FREM1: variants seen among roughly 807,000 people sequenced by gnomAD.
FREM1 encodes the protein FRAS1 related extracellular matrix 1.
FREM1 carries 220 observed loss-of-function variants against 210.1 expected under a neutral mutation model. The observed-to-expected ratio is 1.05, with a 90% CI of 0.94 to 1.17. The LOEUF (loss-of-function observed/expected upper bound fraction) is 1.17, where lower values mean the gene tolerates loss of function less well. Among genes scored for constraint, FREM1 ranks in the 50% most tolerant of loss-of-function variants. The pLI, the probability that FREM1 is intolerant of heterozygous loss-of-function variation, is 0.00. For missense variants in FREM1, 3,454 were observed against 2,675.5 expected (o/e 1.29, Z -6.42); for synonymous variants, 1,189 against 980.2 (o/e 1.21, Z -3.98).
Position 14,769,375 on chromosome 9 carries a change from A to G in FREM1, c.5204+349T>C, listed in dbSNP as rs967294609. ...TAGTTGCTAACACGGTCCTAGAGTG[A>G]CCTCTTGCTGCACAATTGCTACATG... On this transcript the variant is annotated intron_variant, in intron 27 of 36. Transcript: ENST00000380880. Among the ~76,000 whole-genome samples, 4 of 152,160 alleles carry G rather than the reference A, an allele frequency of 2.6e-5. No individual in the cohort carries two copies. The South Asian group carries it at 6.2e-4, about 24-fold the overall frequency.
chr9:14,845,861 A>C, intron 8 of FREM1, 99 bp downstream of exon 8: 2 of 1,196,872 alleles, frequency 1.7e-6, no homozygotes, highest in Non-Finnish European at 1.2e-6. Context: ...TCATTGAGAA[A>C]TTGGGCCCAA....
rs955114934 is a variant in FREM1 at position 14,857,603 on chromosome 9, T to C, written c.778A>G (p.Ile260Val). 1 of 1,613,708 alleles carries C rather than the reference T, an allele frequency of 6.2e-7. No homozygotes were observed. Among genetic ancestry groups the C allele is most frequent in the African/African-American group, 1.3e-5 (1 of 74,888 alleles). ...TCTGTGAGGTCCAGTTGGATGGAGATATAATCAATGTTGGGTGAAGGGGGA... is the reference window on the plus strand; with the variant it reads ...TCTGTGAGGTCCAGTTGGATGGAGACATAATCAATGTTGGGTGAAGGGGGA... ...LDPPSPNIDY[I>V]SIQLDLTDTR... Residue 260 changes from isoleucine to valine, a missense_variant, in exon 5 of 37, where the codon ATC (isoleucine) becomes GTC (valine). Transcript: ENST00000380880.
intron 1 of FREM1, among the ~76,000 whole-genome samples, chr9:14,871,362 T>C (rs1208221211): frequency 2.0e-5 from 3 of 152,216 alleles, no homozygotes; most frequent in Non-Finnish European, 4.4e-5. Flanking sequence ...TGGTGTGAGA[T>C]GGTATCTCAT....
At chr9:14,854,877 G>C (rs1828434018) in intron 5 of FREM1, among the ~76,000 whole-genome samples, 1 of 151,998 alleles carries the variant, frequency 6.6e-6, no homozygotes, top group Admixed American at 6.6e-5. Context: ...TTACATGAAG[G>C]AAACTACGAA....
intron 4 of FREM1, among the ~76,000 whole-genome samples, chr9:14,858,244 C>A (rs1480583233): frequency 6.6e-6 from 1 of 152,192 alleles, no homozygotes; most frequent in African/African-American, 2.4e-5. Context: ...CATTCTTTGA[C>A]CACCTGAACC....
At chr9:14,872,071 C>A (rs964206843) in intron 1 of FREM1, among the ~76,000 whole-genome samples, 2 of 152,066 alleles carry the variant, frequency 1.3e-5, no homozygotes, top group Non-Finnish European at 2.9e-5. Context: ...GTTACTGTAG[C>A]CTTGTTGTAT....
At position 14,776,146 on chromosome 9, in the gene FREM1, C is replaced by G. The variant is rs561131255; in HGVS notation, c.4500G>C (p.Glu1500Asp). Residue 1500 changes from glutamate (E) to aspartate (D), a missense_variant, in exon 25 of 37, where the codon GAG becomes GAC. Transcript: ENST00000380880. Reference sequence around the variant, plus strand: ...CCACAGGCAGGGCTCTGTCCACAGTCTCCAGTGTGATCTCAAACACCCCGT... The same window carrying G: ...CCACAGGCAGGGCTCTGTCCACAGTGTCCAGTGTGATCTCAAACACCCCGT... ...TEHGVFEITL[E>D]TVDRALPVVT... 5 of 1,564,888 alleles carry G rather than the reference C, an allele frequency of 3.2e-6. No individual in the cohort carries two copies. Among genetic ancestry groups the G allele is most frequent in the Non-Finnish European group, 4.3e-6 (5 of 1,154,916 alleles).
At chr9:14,889,334 A>G (rs1396753502) in intron 1 of FREM1, among the ~76,000 whole-genome samples, 1 of 152,174 alleles carries the variant, frequency 6.6e-6, no homozygotes, top group Non-Finnish European at 1.5e-5. Flanking sequence ...TCATCTCCCA[A>G]GTGAAATGTA....
chr9:14,867,107 G>C (rs775424546), intron 2 of FREM1, among the ~76,000 whole-genome samples: 1 of 151,974 alleles, frequency 6.6e-6, no homozygotes, highest in Non-Finnish European at 1.5e-5. Flanking sequence ...TGATCCACCC[G>C]CCTCAGCCAC....
intron 1 of FREM1, among the ~76,000 whole-genome samples, chr9:14,877,677 T>C (rs1834023167): frequency 6.6e-6 from 1 of 152,112 alleles, no homozygotes; most frequent in Non-Finnish European, 1.5e-5. Flanking sequence ...CCATGGATTC[T>C]ACTGTCACAA....
intron 10 of FREM1, among the ~76,000 whole-genome samples, chr9:14,834,004 C>A (rs574396480): frequency 6.6e-6 from 1 of 152,298 alleles, no homozygotes; most frequent in African/African-American, 2.4e-5. Context: ...TTATCCCTCT[C>A]AAAATCAAAG....
chr9:14,833,675 A>T (rs1398268283), intron 10 of FREM1, among the ~76,000 whole-genome samples: 2 of 152,250 alleles, frequency 1.3e-5, no homozygotes, highest in Non-Finnish European at 2.9e-5. Flanking sequence ...CAAGGGATTT[A>T]AAAGGATTTT....
intron 10 of FREM1, among the ~76,000 whole-genome samples, chr9:14,839,490 C>T (rs1482956315): frequency 1.3e-5 from 2 of 151,542 alleles, no homozygotes; most frequent in South Asian, 2.1e-4. Context: ...CTCCCTCTGT[C>T]CCCTTCTCTT....
intron 10 of FREM1, among the ~76,000 whole-genome samples, chr9:14,825,859 G>C (rs762713767): frequency 4.2e-4 from 64 of 151,884 alleles, no homozygotes; most frequent in Middle Eastern, 6.8e-3. Context: ...ATTGCTACTG[G>C]CCTACCTTTC....
Position 14,860,936 on chromosome 9 carries a change from C to CACATATATACATATAT in FREM1, c.330-1453_330-1452insATATATGTATATATGT, listed in dbSNP as rs1830110918. ...ACATATACACATATATACACATATA[C>CACATATATACATATAT]ACACATATACACATATACACATATA... is the stretch of plus-strand genomic sequence containing the variant. On this transcript the variant is annotated intron_variant, in intron 3 of 36. Transcript: ENST00000380880. Among the ~76,000 whole-genome samples the CACATATATACATATAT allele has an allele frequency of 4.1e-5, 3 of 73,452 alleles. 1 individual carries two copies. Among genetic ancestry groups the CACATATATACATATAT allele is most frequent in the African/African-American group, 2.2e-4 (3 of 13,742 alleles). The allele number at this position is 73,452 out of a possible 152,430, so 48.2% of individuals were successfully genotyped here. A position where few individuals can be genotyped will look rare whatever the true frequency, so the allele number is the denominator to read the frequency against.
Position 14,868,945 on chromosome 9 carries a change from G to A in FREM1, c.33C>T (p.Ala11=), listed in dbSNP as rs1401611366. 8 of 1,594,720 alleles carry A rather than the reference G, an allele frequency of 5.0e-6. No homozygotes were observed. The highest frequency in any genetic ancestry group is 2.3e-5 in the South Asian group (2 of 88,412). The change falls in exon 2 of 37, where the codon GCC becomes GCT. Residue 11 remains alanine (A), a synonymous_variant. Coordinates refer to ENST00000380880, the MANE Select transcript of FREM1 (RefSeq NM_001379081.2). MNSLSWGAAN[A]VLLLLLLAWA... is the part of the protein sequence containing the mutation. Reference sequence around the variant, plus strand: ...AGGCCAGGAGGAGCAGCAGCAGCACGGCATTCGCAGCCCCCCAACTCAGAG... The same window carrying A: ...AGGCCAGGAGGAGCAGCAGCAGCACAGCATTCGCAGCCCCCCAACTCAGAG...
intron 1 of FREM1, among the ~76,000 whole-genome samples, chr9:14,895,423 G>A (rs961795066): frequency 2.6e-5 from 4 of 152,038 alleles, no homozygotes; most frequent in Non-Finnish European, 5.9e-5. Flanking sequence ...GCTTATTCCT[G>A]TGAACCAACC....
intron 35 of FREM1, among the ~76,000 whole-genome samples, chr9:14,741,997 T>G (rs1841656454): frequency 6.6e-6 from 1 of 152,196 alleles, no homozygotes; most frequent in African/African-American, 2.4e-5. Context: ...TAGCTCTGCT[T>G]CAAGACAGGT....
At chr9:14,872,329 C>A (rs1289292071) in intron 1 of FREM1, among the ~76,000 whole-genome samples, 1 of 152,050 alleles carries the variant, frequency 6.6e-6, no homozygotes, top group African/African-American at 2.4e-5. Context: ...TTCTTTGTAT[C>A]CTCTTTTATT....
Sources: gnomAD v4.1 joint callset for allele counts (sites outside exome capture counted in the v4.1 genomes callset) on GRCh38, gnomAD v4.1.1 for gene constraint, MANE v1.5 for transcripts, NCBI Gene and HGNC (gene_info 2026-07-23, HGNC 2026-07-21) for gene names.